The following RBFOX1 variants were observed in gnomAD, a reference collection of about 807,000 sequenced individuals.
RBFOX1 encodes the protein RNA binding fox-1 homolog 1.
A neutral mutation model predicts 57.7 loss-of-function variants in RBFOX1; 8 were observed. The observed-to-expected ratio is 0.14, with a 90% CI of 0.08 to 0.25. The LOEUF (loss-of-function observed/expected upper bound fraction) is 0.25. RBFOX1 is among the 10% of genes least tolerant of loss of function. The pLI is 1.00. For synonymous variants in RBFOX1, 326 were observed against 222.4 expected, an observed-to-expected ratio of 1.47 and a Z score of -4.15; for missense variants, 611 against 548.5, an observed-to-expected ratio of 1.11 and a Z score of -1.14.
chr16:7,189,321 G>T (rs1269044957), intron 4 of RBFOX1, among the ~76,000 whole-genome samples: 1 of 151,052 alleles, frequency 6.6e-6, no homozygotes, highest in Non-Finnish European at 1.5e-5. Flanking sequence ...AGCTACTCAG[G>T]AGGCTGAGGC....
intron 4 of RBFOX1, among the ~76,000 whole-genome samples, chr16:5,986,310 C>T (rs546679498): frequency 4.6e-5 from 7 of 152,294 alleles, no homozygotes; most frequent in South Asian, 2.1e-4. Context: ...GCCATCTACC[C>T]GCCCCGGCCT....
At chr16:7,185,148 C>G (rs2083465025) in intron 4 of RBFOX1, among the ~76,000 whole-genome samples, 1 of 152,152 alleles carries the variant, frequency 6.6e-6, no homozygotes, top group Non-Finnish European at 1.5e-5. Flanking sequence ...GAGCACTTTG[C>G]AAAGTGTCAA....
chr16:6,944,002 C>A (rs1209688913), intron 3 of RBFOX1, among the ~76,000 whole-genome samples: 1 of 152,088 alleles, frequency 6.6e-6, no homozygotes, highest in African/African-American at 2.4e-5. Context: ...ATTGCTCAAA[C>A]TCCTTTAAGT....
chr16:6,957,528 G>A (rs2082125826), intron 3 of RBFOX1, among the ~76,000 whole-genome samples: 1 of 152,120 alleles, frequency 6.6e-6, no homozygotes, highest in Non-Finnish European at 1.5e-5. Flanking sequence ...GCTGGGGGGA[G>A]TGTAGCAGTG....
intron 4 of RBFOX1, among the ~76,000 whole-genome samples, chr16:7,330,581 T>C (rs2144211294): frequency 6.6e-6 from 1 of 151,848 alleles, no homozygotes; most frequent in East Asian, 1.9e-4. Flanking sequence ...CACTATCTTC[T>C]CTGCAGTTTC....
chr16:5,549,090 A>G (rs951727966), intron 2 of RBFOX1, among the ~76,000 whole-genome samples: 5 of 152,004 alleles, frequency 3.3e-5, no homozygotes, highest in African/African-American at 1.2e-4. Flanking sequence ...CTCGTGGAGG[A>G]CCCCAGCTTC....
intron 2 of RBFOX1, among the ~76,000 whole-genome samples, chr16:6,605,260 C>G (rs1025591351): frequency 7.6e-6 from 1 of 131,230 alleles, no homozygotes; most frequent in African/African-American, 3.4e-5. Flanking sequence ...ATAATGAAAC[C>G]AACACATACA....
intron 4 of RBFOX1, among the ~76,000 whole-genome samples, chr16:5,926,288 C>G (rs2058939072): frequency 6.6e-6 from 1 of 152,176 alleles, no homozygotes; most frequent in Non-Finnish European, 1.5e-5. Flanking sequence ...CGCTGTAGCT[C>G]TCACTGGAAA....
At chr16:6,385,469 C>G (rs748663416) in intron 2 of RBFOX1, among the ~76,000 whole-genome samples, 1 of 152,238 alleles carries the variant, frequency 6.6e-6, no homozygotes, top group Non-Finnish European at 1.5e-5. Flanking sequence ...AAGTGATTCT[C>G]CTGCCTCTGC....
At chr16:6,218,762 C>G (rs944475635) in intron 1 of RBFOX1, among the ~76,000 whole-genome samples, 1 of 151,900 alleles carries the variant, frequency 6.6e-6, no homozygotes, top group African/African-American at 2.4e-5. Flanking sequence ...GGTTCCCGGT[C>G]TCCTTCTTCA....
At chr16:6,606,762 G>A (rs1014423296) in intron 2 of RBFOX1, among the ~76,000 whole-genome samples, 1 of 152,098 alleles carries the variant, frequency 6.6e-6, no homozygotes, top group African/African-American at 2.4e-5. Flanking sequence ...TATCATTGAT[G>A]GGCATTTTGG....
At chr16:5,654,941 C>T (rs1331514463) in intron 3 of RBFOX1, among the ~76,000 whole-genome samples, 1 of 152,106 alleles carries the variant, frequency 6.6e-6, no homozygotes, top group Non-Finnish European at 1.5e-5. Flanking sequence ...GCATCCAGGA[C>T]AGCTCCCCCC....
intron 4 of RBFOX1, among the ~76,000 whole-genome samples, chr16:7,496,499 G>A (rs1265722972): frequency 1.3e-5 from 2 of 152,034 alleles, no homozygotes; most frequent in Non-Finnish European, 2.9e-5. Flanking sequence ...CCCTTATGGG[G>A]ATGTAATGAG....
At chr16:5,622,593 T>G (rs755045460) in intron 3 of RBFOX1, among the ~76,000 whole-genome samples, 58 of 152,366 alleles carry the variant, frequency 3.8e-4, no homozygotes, top group Middle Eastern at 6.8e-3. Context: ...GACCAAGGGT[T>G]GGCAAACTTC....
intron 3 of RBFOX1, among the ~76,000 whole-genome samples, chr16:5,782,018 C>A (rs773275671): frequency 6.6e-5 from 10 of 152,132 alleles, no homozygotes; most frequent in African/African-American, 2.4e-4. Flanking sequence ...CCAGCCTGGG[C>A]CAACATGGTG....
intron 2 of RBFOX1, among the ~76,000 whole-genome samples, chr16:6,503,973 C>G (rs1451491967): frequency 2.0e-5 from 3 of 152,192 alleles, no homozygotes; most frequent in African/African-American, 7.2e-5. Context: ...ATTCAAGATA[C>G]ATGTAGTCTC....
intron 7 of RBFOX1, among the ~76,000 whole-genome samples, chr16:7,591,876 C>T (rs578193456): frequency 8.7e-4 from 132 of 152,252 alleles, no homozygotes; most frequent in Non-Finnish European, 1.4e-3. Flanking sequence ...GACCATGAGG[C>T]GGGTCAGAAA....
At chr16:7,251,619 C>T (rs562893267) in intron 4 of RBFOX1, among the ~76,000 whole-genome samples, 9 of 152,114 alleles carry the variant, frequency 5.9e-5, no homozygotes, top group African/African-American at 1.9e-4. Context: ...GAAGTTTCAC[C>T]ATGTTGGCTT....
At chr16:6,923,472 G>C (rs944924458) in intron 3 of RBFOX1, among the ~76,000 whole-genome samples, 1 of 152,122 alleles carries the variant, frequency 6.6e-6, no homozygotes, top group Non-Finnish European at 1.5e-5. Context: ...GGTGGAGGAG[G>C]CAGTGAGCCA....
Sources: gnomAD v4.1 joint callset for allele counts (sites outside exome capture counted in the v4.1 genomes callset) on GRCh38, gnomAD v4.1.1 for gene constraint, MANE v1.5 for transcripts, NCBI Gene and HGNC (gene_info 2026-07-23, HGNC 2026-07-21) for gene names.